Variants in AGBL5 observed in about 807,000 individuals in gnomAD.
The protein encoded by AGBL5 is AGBL carboxypeptidase 5.
In AGBL5, 51 loss-of-function variants were observed where a neutral mutation model predicts 88.0. The observed-to-expected ratio is 0.58, with a 90% confidence interval of 0.46 to 0.73. AGBL5 has a LOEUF of 0.73. Ranked by LOEUF, AGBL5 falls within the 30% of genes least tolerant of loss-of-function variation. The pLI is 0.00. For missense variants in AGBL5, 1,031 were observed against 1,162.2 expected (o/e 0.89, Z 1.64); for synonymous variants, 446 against 438.8 (o/e 1.02, Z -0.21).
chr2:27,059,202 C>T lies in AGBL5; in HGVS notation c.1887C>T (p.Val629=). The T allele has an allele frequency of 6.2e-7, 1 of 1,613,592 alleles. No homozygotes were observed. Among genetic ancestry groups the T allele is most frequent in the East Asian group, 2.2e-5 (1 of 44,892 alleles). The change falls in exon 11 of 15, where the codon GTC becomes GTT. Residue 629 remains valine (V), a synonymous_variant. Transcript: ENST00000360131. ...TPPKSHNGLP[V]SCSENTLSRA... ...TGCTTCTTTGCAGTGGGTTGCCTGT[C>T]TCCTGCTCCGAAAACACCTTGAGTC...
rs200167938 is a variant in AGBL5 at position 27,053,379 on chromosome 2, C to G, written c.216-23C>G. The G allele has an allele frequency of 4.3e-6, 7 of 1,611,086 alleles. No homozygotes were observed. In the East Asian group the frequency reaches 1.1e-4, roughly 26 times the overall value. On this transcript the variant is annotated intron_variant, in intron 2 of 14. Coordinates refer to ENST00000360131, the MANE Select transcript of AGBL5 (RefSeq NM_021831.6). This position sits in a 1 kb window ranked among gnomAD's most constrained non-coding sequence, Gnocchi z 4.9. ...CTCCAACCCTTCCACACGTAATGACCTCTCTCTTACTCTGGTCCTCAGGTC... is the reference window on the plus strand; with the variant it reads ...CTCCAACCCTTCCACACGTAATGACGTCTCTCTTACTCTGGTCCTCAGGTC...
intron 12 of AGBL5, among the ~76,000 whole-genome samples, chr2:27,068,265 C>T (rs1160349073): frequency 6.6e-6 from 1 of 152,140 alleles, no homozygotes; most frequent in African/African-American, 2.4e-5. Flanking sequence ...ATGATTGCGG[C>T]AGTATAAACT....
Position 27,053,358 on chromosome 2 carries a change from AACCCTTCCACACGTAATGACC to A in AGBL5, c.216-43_216-23del. 1 of 1,598,860 alleles carries A rather than the reference AACCCTTCCACACGTAATGACC, an allele frequency of 6.3e-7. No individual in the cohort carries two copies. The highest frequency in any genetic ancestry group is 8.5e-7 in the Non-Finnish European group (1 of 1,171,146). ...CGGCTCTCCCACAGACCATATCTCC[AACCCTTCCACACGTAATGACC>A]TCTCTCTTACTCTGGTCCTCAGGTC... On this transcript the variant is annotated intron_variant, in intron 2 of 14. Coordinates refer to ENST00000360131, the MANE Select transcript of AGBL5 (RefSeq NM_021831.6). This position sits in a 1 kb window ranked among gnomAD's most constrained non-coding sequence, Gnocchi z 4.9.
chr2:27,062,119 CTTTTTTTTTT>C (rs11295283), intron 11 of AGBL5, among the ~76,000 whole-genome samples: 1 of 88,836 alleles, frequency 1.1e-5, no homozygotes, highest in African/African-American at 3.9e-5. Flanking sequence ...CCATCTAGGC[CTTTTTTTTTT>C]TTTTTTTTTT....
In AGBL5 at chr2:27,056,707, A is replaced by G. The variant is rs1160997396; in HGVS notation, c.1450A>G (p.Met484Val). Reference protein sequence around the residue: ...FQGCNFSEKNMYARDRRDGQS... With the variant: ...FQGCNFSEKNVYARDRRDGQS... ...GGGCTGCAATTTCTCAGAGAAGAAT[A>G]TGTATGCCCGAGACCGTAGAGATGG... Residue 484 changes from methionine (M) to valine (V), a missense_variant, in exon 8 of 15, where the codon ATG becomes GTG. Coordinates refer to ENST00000360131, the MANE Select transcript of AGBL5 (RefSeq NM_021831.6). The G allele has an allele frequency of 1.2e-6, 2 of 1,613,800 alleles. No homozygotes were observed. Among genetic ancestry groups the G allele is most frequent in the Non-Finnish European group, 8.5e-7 (1 of 1,179,806 alleles).
In AGBL5 at chr2:27,053,366, C is replaced by T; in HGVS notation, c.216-36C>T. The T allele has an allele frequency of 1.9e-6, 3 of 1,604,458 alleles. No individual in the cohort carries two copies. The highest frequency in any genetic ancestry group is 2.6e-6 in the Non-Finnish European group (3 of 1,174,318). ...CCACAGACCATATCTCCAACCCTTC[C>T]ACACGTAATGACCTCTCTCTTACTC... On this transcript the variant is annotated intron_variant, in intron 2 of 14. Transcript: ENST00000360131. The surrounding 1 kb of genome is among the most constrained non-coding windows in gnomAD (Gnocchi z 4.9).
chr2:27,057,545 A>G (rs1048656668), intron 9 of AGBL5, 107 bp downstream of exon 9: 3 of 1,289,354 alleles, frequency 2.3e-6, no homozygotes, highest in East Asian at 2.5e-5. Flanking sequence ...ATTCATCACT[A>G]TGGCCGTCTC....
rs1262879807 is a variant in AGBL5 at position 27,070,333 on chromosome 2, C to T, written c.*70C>T. 4 of 1,508,852 alleles carry T rather than the reference C, an allele frequency of 2.7e-6. No individual in the cohort carries two copies. Among genetic ancestry groups the T allele is most frequent in the South Asian group, 1.2e-5 (1 of 85,790 alleles). 93.5% of individuals were successfully genotyped at this position (1,508,852 alleles called of 1,614,324 possible). A position where few individuals can be genotyped will look rare whatever the true frequency, so the allele number is the denominator to read the frequency against. On this transcript the variant is annotated 3_prime_UTR_variant, in exon 15 of 15. Transcript: ENST00000360131. Reference sequence around the variant, plus strand: ...TAACAGTGGGAAATATGCTAGTTCCCCTCCAGGCCGCTGATTCCATGTGAC... The same window carrying T: ...TAACAGTGGGAAATATGCTAGTTCCTCTCCAGGCCGCTGATTCCATGTGAC...
chr2:27,057,229 A>G, intron 8 of AGBL5, 74 bp from the exon 9 acceptor site: 1 of 1,496,558 alleles, frequency 6.7e-7, no homozygotes. Context: ...TCCTTTGACC[A>G]CCTAAGTTGT....
intron 13 of AGBL5, chr2:27,068,956 A>G (rs1324161520): frequency 6.7e-7 from 1 of 1,493,966 alleles, no homozygotes. Flanking sequence ...CTTGCTTTCA[A>G]CCTGTGTCCC....
At chr2:27,066,522 C>T (rs933516769) in intron 11 of AGBL5, among the ~76,000 whole-genome samples, 1 of 152,058 alleles carries the variant, frequency 6.6e-6, no homozygotes, top group Non-Finnish European at 1.5e-5. Context: ...GCAGGAGAGG[C>T]CCAAGGACAG....
At position 27,070,426 on chromosome 2, in the gene AGBL5, A is replaced by G; in HGVS notation, c.*163A>G. The G allele has an allele frequency of 3.0e-6, 2 of 672,910 alleles. No individual in the cohort carries two copies. Among genetic ancestry groups the G allele is most frequent in the Non-Finnish European group, 4.9e-6 (2 of 406,758 alleles). 41.7% of individuals were successfully genotyped at this position (672,910 alleles called of 1,614,324 possible). A position where few individuals can be genotyped will look rare whatever the true frequency, so the allele number is the denominator to read the frequency against. On this transcript the variant is annotated 3_prime_UTR_variant, in exon 15 of 15. Transcript: ENST00000360131. The stretch of plus-strand genomic sequence containing the variant: ...TTACAGAGTATCACCTTGAGACAGA[A>G]CAAAACAGGGACCTGCCACCCCTTC...
intron 11 of AGBL5, among the ~76,000 whole-genome samples, chr2:27,064,529 C>T (rs551616839): frequency 5.9e-5 from 9 of 151,848 alleles, no homozygotes; most frequent in Non-Finnish European, 8.8e-5. Flanking sequence ...CTCAAGCTCC[C>T]GGACTCAAGT....
At position 27,052,910 on chromosome 2, in the gene AGBL5, C is replaced by A; in HGVS notation, c.-46-3C>A. On this transcript the variant is annotated splice_polypyrimidine_tract_variant and splice_region_variant and intron_variant, in intron 1 of 14. Coordinates refer to ENST00000360131, the MANE Select transcript of AGBL5 (RefSeq NM_021831.6). Reference sequence around the variant, plus strand: ...CCTTAACCTAACCCTTGTTTTCCCCCAGCTCTCAGGGCCAGAGCGGGGCAG... The same window carrying A: ...CCTTAACCTAACCCTTGTTTTCCCCAAGCTCTCAGGGCCAGAGCGGGGCAG... The A allele has an allele frequency of 6.7e-7, 1 of 1,487,226 alleles. No individual in the cohort carries two copies. The highest frequency in any genetic ancestry group is 1.4e-5 in the African/African-American group (1 of 71,116). The allele number at this position is 1,487,226 out of a possible 1,614,324, so 92.1% of individuals were successfully genotyped here.
chr2:27,070,483 CAA>C lies in AGBL5; in HGVS notation c.*227_*228del, dbSNP rs1474092972. 3 of 508,852 alleles carry C rather than the reference CAA, an allele frequency of 5.9e-6. No individual in the cohort carries two copies. Among genetic ancestry groups the C allele is most frequent in the African/African-American group, 1.9e-5 (1 of 52,056 alleles). 31.5% of individuals were successfully genotyped at this position (508,852 alleles called of 1,614,324 possible). ...TCCGCAGCACAAGATTTTGGGACCA[CAA>C]AAAAAAGTCTATATTTTTATATTGG... On this transcript the variant is annotated 3_prime_UTR_variant, in exon 15 of 15. Coordinates refer to ENST00000360131, the MANE Select transcript of AGBL5 (RefSeq NM_021831.6).
In AGBL5 at chr2:27,064,194, T is replaced by G. The variant is rs367842949; in HGVS notation, c.2090-3300T>G. ...TATCTCTGTCATTGGTGGTAGCTAATGTTTTAGGTTATTTGACTATGGCCA... is the reference window on the plus strand; with the variant it reads ...TATCTCTGTCATTGGTGGTAGCTAAGGTTTTAGGTTATTTGACTATGGCCA... On this transcript the variant is annotated intron_variant, in intron 11 of 14. Coordinates refer to ENST00000360131, the MANE Select transcript of AGBL5 (RefSeq NM_021831.6). Among the ~76,000 whole-genome samples the G allele has an allele frequency of 2.0e-3, 307 of 152,338 alleles. 9 individuals are homozygous for G. The South Asian group carries it at 0.032, about 16-fold the overall frequency.
upstream of AGBL5, among the ~76,000 whole-genome samples, chr2:27,051,211 G>GGTGGGGGATTA (rs1558408767): frequency 2.6e-5 from 4 of 152,236 alleles, no homozygotes; most frequent in Admixed American, 2.6e-4. Flanking sequence ...CTAAGCAGCA[G>GGTGGGGGATTA]GCGGGGGATT....
chr2:27,062,068 G>A (rs1668742330), intron 11 of AGBL5, among the ~76,000 whole-genome samples: 1 of 149,872 alleles, frequency 6.7e-6, no homozygotes, highest in African/African-American at 2.5e-5. Flanking sequence ...ACCCGCCTCA[G>A]CTTCCCAAAG....
chr2:27,059,664 G>T (rs1668615408), intron 11 of AGBL5: 5 of 707,876 alleles, frequency 7.1e-6, no homozygotes, highest in South Asian at 2.2e-5. Flanking sequence ...AGTTTCCAAG[G>T]ATGAAACACT....
Sources: gnomAD v4.1 joint callset for allele counts (sites outside exome capture counted in the v4.1 genomes callset) on GRCh38, gnomAD v4.1.1 for gene constraint, Gnocchi (gnomAD v3.1) non-coding constraint, MANE v1.5 for transcripts, NCBI Gene and HGNC (gene_info 2026-07-23, HGNC 2026-07-21) for gene names.